The following FOXK1 variants were observed in gnomAD, a reference collection of about 807,000 sequenced individuals.
FOXK1 encodes the protein forkhead box protein K1.
FOXK1 carries 19 observed loss-of-function variants against 51.9 expected under a neutral mutation model. That is an observed-to-expected ratio of 0.37 (90% confidence interval 0.26 to 0.54). The LOEUF (loss-of-function observed/expected upper bound fraction) is 0.54, where lower values mean the gene tolerates loss of function less well. Ranked by LOEUF, FOXK1 falls within the 20% of genes least tolerant of loss-of-function variation. The probability of loss-of-function intolerance (pLI) is 0.87; values close to 1 mark genes in which losing one functional copy is unlikely to be tolerated. For synonymous variants in FOXK1, 537 were observed against 482.6 expected, an observed-to-expected ratio of 1.11 and a Z score of -1.48; for missense variants, 870 against 1,032.7, an observed-to-expected ratio of 0.84 and a Z score of 2.16.
At chr7:4,705,244 G>A (rs1562372483) in intron 1 of FOXK1, among the ~76,000 whole-genome samples, 1 of 152,018 alleles carries the variant, frequency 6.6e-6, no homozygotes, top group Non-Finnish European at 1.5e-5. Flanking sequence ...GCTGGGGGCA[G>A]TGGCATGATC....
Position 4,723,827 on chromosome 7 carries a change from C to G in FOXK1, c.561-17011C>G, listed in dbSNP as rs1386626682. Among the ~76,000 whole-genome samples, 1 of 152,142 alleles carries G rather than the reference C, an allele frequency of 6.6e-6. No individual in the cohort carries two copies. The highest frequency in any genetic ancestry group is 1.5e-5 in the Non-Finnish European group (1 of 68,024). On this transcript the variant is annotated intron_variant, in intron 1 of 8. Transcript: ENST00000328914. This position sits in a 1 kb window ranked among gnomAD's most constrained non-coding sequence, Gnocchi z 4.7. ...AGACTACCAGTGTGCACCACCACAC[C>G]TGGCTGACTTCTTTGTATTTTTGGT... is the stretch of plus-strand genomic sequence containing the variant.
chr7:4,689,892 C>T (rs59426243), intron 1 of FOXK1, among the ~76,000 whole-genome samples: 72 of 152,248 alleles, frequency 4.7e-4, no homozygotes, highest in African/African-American at 1.6e-3. Context: ...GGGTGGGTCA[C>T]GCTTGGCTGG....
In FOXK1 at chr7:4,747,524, G is replaced by A. The variant is rs914836923; in HGVS notation, c.746+6501G>A. On this transcript the variant is annotated intron_variant, in intron 2 of 8. Coordinates refer to ENST00000328914, the MANE Select transcript of FOXK1 (RefSeq NM_001037165.2). The surrounding 1 kb of genome is among the most constrained non-coding windows in gnomAD (Gnocchi z 9.2). ...GCTGGTTCCAATTTGGGTTTGGGGG[G>A]TTGATTTTGTTTTTGTTTGTTTGTT... Among the ~76,000 whole-genome samples the A allele has an allele frequency of 1.1e-4, 17 of 152,184 alleles. No homozygotes were observed. Among genetic ancestry groups the A allele is most frequent in the African/African-American group, 3.6e-4 (15 of 41,540 alleles).
rs531962053 is a variant in FOXK1 at position 4,698,393 on chromosome 7, G to A, written c.560+15525G>A. 1.1e-4 allele frequency among the ~76,000 whole-genome samples: 16 copies of A among 146,054 alleles called. No individual in the cohort carries two copies. In the South Asian group the frequency reaches 2.0e-3, roughly 18 times the overall value. ...TAAGAATAAGGATTTTTTTTTTCTC[G>A]CTTCACCATATGCAAGAATAAAGAT... On this transcript the variant is annotated intron_variant, in intron 1 of 8. Coordinates refer to ENST00000328914, the MANE Select transcript of FOXK1 (RefSeq NM_001037165.2).
intron 1 of FOXK1, among the ~76,000 whole-genome samples, chr7:4,732,844 C>G (rs939756482): frequency 1.3e-5 from 2 of 152,200 alleles, no homozygotes; most frequent in African/African-American, 4.8e-5. Flanking sequence ...CGCTGCACGC[C>G]CCTTACACGT....
rs1026326885 is a variant in FOXK1, at chr7:4,743,619, A to G, written c.746+2596A>G. Among the ~76,000 whole-genome samples, 1 of 152,220 alleles carries G rather than the reference A, an allele frequency of 6.6e-6. No homozygotes were observed. The highest frequency in any genetic ancestry group is 2.4e-5 in the African/African-American group (1 of 41,454). ...TCTGAAGAAAGCAGTTGAGCGCAGT[A>G]TATGTACTTAAGTCTTCACCTAGTA... On this transcript the variant is annotated intron_variant, in intron 2 of 8. Coordinates refer to ENST00000328914, the MANE Select transcript of FOXK1 (RefSeq NM_001037165.2). This position sits in a 1 kb window ranked among gnomAD's most constrained non-coding sequence, Gnocchi z 5.3.
rs1426038817 is a variant in FOXK1 at position 4,722,988 on chromosome 7, C to T, written c.561-17850C>T. On this transcript the variant is annotated intron_variant, in intron 1 of 8. Transcript: ENST00000328914. The surrounding 1 kb of genome is among the most constrained non-coding windows in gnomAD (Gnocchi z 5.1). ...GGAGCAGGTGGCCGACGCAGGCACC[C>T]TCAGATCTGAGATCCAGACAAGAGG... Among the ~76,000 whole-genome samples, 1 of 152,012 alleles carries T rather than the reference C, an allele frequency of 6.6e-6. No homozygotes were observed. The highest frequency in any genetic ancestry group is 1.5e-5 in the Non-Finnish European group (1 of 67,982).
intron 1 of FOXK1, among the ~76,000 whole-genome samples, chr7:4,739,796 C>G (rs1310538056): frequency 6.6e-6 from 1 of 152,216 alleles, no homozygotes; most frequent in Non-Finnish European, 1.5e-5. Flanking sequence ...AGGGAATCAT[C>G]TTGAAAATGT....
rs371161145 is a variant in FOXK1, at chr7:4,718,971, G to A, written c.561-21867G>A. ...ATTAGAGGGACCCGCCACCACGCCC[G>A]GCTAATTTTGTATTTTTAGTAGAGA... On this transcript the variant is annotated intron_variant, in intron 1 of 8. Coordinates refer to ENST00000328914, the MANE Select transcript of FOXK1 (RefSeq NM_001037165.2). Among the ~76,000 whole-genome samples, 18 of 152,094 alleles carry A rather than the reference G, an allele frequency of 1.2e-4. No homozygotes were observed. In the South Asian group the frequency reaches 3.1e-3, roughly 26 times the overall value.
rs570823245 is a variant in FOXK1 at position 4,723,172 on chromosome 7, G to T, written c.561-17666G>T. 6.6e-6 allele frequency among the ~76,000 whole-genome samples: 1 copy of T among 151,876 alleles called. No individual in the cohort carries two copies. ...AGCTTCAAAGCACTGGGTCCAGGGC[G>T]CCTGCTCGCGGTCACCCATAGGGTG... is the stretch of plus-strand genomic sequence containing the variant. On this transcript the variant is annotated intron_variant, in intron 1 of 8. Coordinates refer to ENST00000328914, the MANE Select transcript of FOXK1 (RefSeq NM_001037165.2). The surrounding 1 kb of genome is among the most constrained non-coding windows in gnomAD (Gnocchi z 4.7).
chr7:4,742,606 A>G (rs1780649723), intron 2 of FOXK1, among the ~76,000 whole-genome samples: 1 of 151,954 alleles, frequency 6.6e-6, no homozygotes, highest in Admixed American at 6.6e-5. Context: ...TTGTAGAGAC[A>G]GGGTCTTGCT....
Position 4,759,512 on chromosome 7 carries a change from A to G in FOXK1, c.1613A>G (p.Tyr538Cys), listed in dbSNP as rs764273089. 3 of 1,572,916 alleles carry G rather than the reference A, an allele frequency of 1.9e-6. No homozygotes were observed. The highest frequency in any genetic ancestry group is 4.6e-5 in the East Asian group (2 of 43,328). Residue 538 changes from tyrosine to cysteine, a missense_variant, in exon 7 of 9, where the codon TAC becomes TGC. Around this residue, in one of 3 missense-constraint regions of FOXK1, gnomAD observed 457 missense variants for 510.8 expected, o/e 0.89. Transcript: ENST00000328914. ...ACATCTGCCAACTCGGCCAACGGAT[A>G]CATCCTCACCAGCCAGGGCGCGGCG... Reference protein sequence around the residue: ...VTTSANSANGYILTSQGAAGG... With the variant: ...VTTSANSANGCILTSQGAAGG...
At chr7:4,737,419 C>T (rs978745371) in intron 1 of FOXK1, among the ~76,000 whole-genome samples, 1 of 151,244 alleles carries the variant, frequency 6.6e-6, no homozygotes, top group Non-Finnish European at 1.5e-5. Context: ...ACTGGTGGAA[C>T]GGGTAGGTGT....
At position 4,747,073 on chromosome 7, in the gene FOXK1, A is replaced by T. The variant is rs1244433457; in HGVS notation, c.746+6050A>T. Among the ~76,000 whole-genome samples the T allele has an allele frequency of 6.6e-6, 1 of 152,158 alleles. No homozygotes were observed. Among genetic ancestry groups the T allele is most frequent in the African/African-American group, 2.4e-5 (1 of 41,430 alleles). On this transcript the variant is annotated intron_variant, in intron 2 of 8. Transcript: ENST00000328914. This position sits in a 1 kb window ranked among gnomAD's most constrained non-coding sequence, Gnocchi z 9.2. ...GGCGCTAAAGTGTTGGGAGTTCGGA[A>T]TGAAGCTTGGTAGGGAAGTCCTTGT...
chr7:4,770,887 GT>G lies in FOXK1; in HGVS notation c.*8424del, dbSNP rs1781090038. 2 of 151,016 alleles carry G rather than the reference GT, an allele frequency of 1.3e-5. No homozygotes were observed. Among genetic ancestry groups the G allele is most frequent in the South Asian group, 4.2e-4 (2 of 4,818 alleles). The allele number at this position is 151,016 out of a possible 1,614,324, so 9.4% of individuals were successfully genotyped here. On this transcript the variant is annotated 3_prime_UTR_variant, in exon 9 of 9. Coordinates refer to ENST00000328914, the MANE Select transcript of FOXK1 (RefSeq NM_001037165.2). ...TCGGTGTGTGTGTGTGTGTGTGTGT[GT>G]GTGTGTGTGTGTGTATTTTTTTTTT...
chr7:4,716,987 G>T (rs988310565), intron 1 of FOXK1, among the ~76,000 whole-genome samples: 1 of 151,776 alleles, frequency 6.6e-6, no homozygotes, highest in Admixed American at 6.6e-5. Flanking sequence ...GGAGGTGGTG[G>T]CTGGGAGGCG....
At chr7:4,702,815 G>A (rs1332662662) in intron 1 of FOXK1, among the ~76,000 whole-genome samples, 1 of 152,198 alleles carries the variant, frequency 6.6e-6, no homozygotes, top group South Asian at 2.1e-4. Flanking sequence ...CCTGGACGGG[G>A]CCTTGACGGG....
At chr7:4,760,923 C>G (rs1469322003) in intron 7 of FOXK1, 141 bp from the exon 8 acceptor site, 1 of 700,480 alleles carries the variant, frequency 1.4e-6, no homozygotes, top group East Asian at 2.5e-5. Flanking sequence ...CTATTTCACC[C>G]ATGGGATTTT....
chr7:4,767,412 G>A lies in FOXK1; in HGVS notation c.*4948G>A, dbSNP rs1401764939. 2 of 152,260 alleles carry A rather than the reference G, an allele frequency of 1.3e-5. No individual in the cohort carries two copies. Among genetic ancestry groups the A allele is most frequent in the East Asian group, 1.9e-4 (1 of 5,192 alleles). The allele number at this position is 152,260 out of a possible 1,614,324, so 9.4% of individuals were successfully genotyped here. A position where few individuals can be genotyped will look rare whatever the true frequency, so the allele number is the denominator to read the frequency against. On this transcript the variant is annotated 3_prime_UTR_variant, in exon 9 of 9. Coordinates refer to ENST00000328914, the MANE Select transcript of FOXK1 (RefSeq NM_001037165.2). The surrounding 1 kb of genome is among the most constrained non-coding windows in gnomAD (Gnocchi z 6.6). ...TGCAAGGAGCCACCACGGGGACTGC[G>A]CCACACTCCTGATGAAAACGTGTTT...
Sources: gnomAD v4.1 joint callset for allele counts (sites outside exome capture counted in the v4.1 genomes callset) on GRCh38, gnomAD v4.1.1 for gene constraint, gnomAD v4.1.1 regional missense constraint, Gnocchi (gnomAD v3.1) non-coding constraint, MANE v1.5 for transcripts, NCBI Gene and HGNC (gene_info 2026-07-23, HGNC 2026-07-21) for gene names.